Variants in KAZN observed in about 807,000 individuals in gnomAD.
The protein encoded by KAZN is kazrin.
In KAZN, 40 loss-of-function variants were observed where a neutral mutation model predicts 87.4. The observed-to-expected ratio is 0.46, with a 90% CI of 0.36 to 0.60. The LOEUF is 0.60. Ranked by LOEUF, KAZN falls within the 20% of genes least tolerant of loss-of-function variation. The pLI is 0.00. For missense variants in KAZN, 898 were observed against 1,073.9 expected (o/e 0.84, Z 2.29); for synonymous variants, 466 against 458.3 (o/e 1.02, Z -0.22).
At chr1:13,903,650 A>C (rs2100845587) in intron 1 of KAZN, among the ~76,000 whole-genome samples, 1 of 152,304 alleles carries the variant, frequency 6.6e-6, no homozygotes, top group South Asian at 2.1e-4. Context: ...AGTGAAGACG[A>C]GTTAGGTCAC....
intron 2 of KAZN, among the ~76,000 whole-genome samples, chr1:14,563,874 C>CTTTTTTTT (rs540880203): frequency 1.2e-4 from 12 of 97,930 alleles, no homozygotes; most frequent in East Asian, 9.1e-4. Context: ...GTTCAAACTC[C>CTTTTTTTT]TTTTTTTTTT....
At chr1:15,090,684 G>A (rs1207251807) in intron 8 of KAZN, among the ~76,000 whole-genome samples, 1 of 152,222 alleles carries the variant, frequency 6.6e-6, no homozygotes, top group East Asian at 1.9e-4. Context: ...AAAACAAAGG[G>A]CTTAGGCTCA....
At chr1:14,077,926 A>T (rs1419179611) in intron 1 of KAZN, among the ~76,000 whole-genome samples, 1 of 152,166 alleles carries the variant, frequency 6.6e-6, no homozygotes, top group Non-Finnish European at 1.5e-5. Context: ...CCTGCCACGG[A>T]GAGAAAGGTG....
At chr1:14,776,330 C>T (rs113017976) in intron 1 of KAZN, among the ~76,000 whole-genome samples, 1,555 of 152,178 alleles carry the variant, frequency 0.01, 32 homozygotes, top group African/African-American at 0.035. Context: ...GGAAGTGGGG[C>T]CAAGGAATAG....
At chr1:14,674,099 G>T (rs906792056) in intron 1 of KAZN, among the ~76,000 whole-genome samples, 2 of 152,200 alleles carry the variant, frequency 1.3e-5, no homozygotes, top group African/African-American at 4.8e-5. Flanking sequence ...ACAGAAACTT[G>T]CTCAAAGGTG....
intron 1 of KAZN, among the ~76,000 whole-genome samples, chr1:13,971,507 A>G (rs7511707): frequency 0.62 from 94,772 of 151,854 alleles, 30,685 homozygotes; most frequent in East Asian, 0.87. Flanking sequence ...GCATCTTTCC[A>G]GCCATCTTCA....
intron 2 of KAZN, among the ~76,000 whole-genome samples, chr1:14,531,622 G>C (rs945152910): frequency 1.3e-5 from 2 of 152,092 alleles, no homozygotes; most frequent in African/African-American, 4.8e-5. Flanking sequence ...CTGGGTTTGG[G>C]TCCCAAATTG....
At chr1:14,943,099 C>T (rs1285777158) in intron 1 of KAZN, among the ~76,000 whole-genome samples, 5 of 132,120 alleles carry the variant, frequency 3.8e-5, no homozygotes, top group African/African-American at 1.1e-4. Context: ...TTACATTTTT[C>T]GAATAGTTTT....
chr1:14,967,103 G>A (rs372921809), intron 2 of KAZN, among the ~76,000 whole-genome samples: 3 of 152,304 alleles, frequency 2.0e-5, no homozygotes, highest in African/African-American at 4.8e-5. Flanking sequence ...CGGTGAACTC[G>A]AGGGTCACAC....
chr1:14,319,524 C>T (rs1316322176), intron 2 of KAZN, among the ~76,000 whole-genome samples: 1 of 152,170 alleles, frequency 6.6e-6, no homozygotes, highest in African/African-American at 2.4e-5. Context: ...TGCCGATTCT[C>T]GGGCTCTTTT....
intron 1 of KAZN, among the ~76,000 whole-genome samples, chr1:14,134,999 ACACATGTG>A (rs780359916): frequency 0.034 from 1,380 of 40,168 alleles, 20 homozygotes; most frequent in African/African-American, 0.12. Context: ...ACACACACAC[ACACATGTG>A]CACACATGCA....
At chr1:14,733,191 C>G (rs1643757281) in intron 1 of KAZN, among the ~76,000 whole-genome samples, 2 of 152,104 alleles carry the variant, frequency 1.3e-5, no homozygotes, top group Admixed American at 1.3e-4. Context: ...CCCACTGCCC[C>G]AGGCTTGGTA....
At chr1:15,006,950 G>T (rs1380706086) in intron 2 of KAZN, among the ~76,000 whole-genome samples, 1 of 151,786 alleles carries the variant, frequency 6.6e-6, no homozygotes, top group Admixed American at 6.6e-5. Flanking sequence ...CCAGCTACTC[G>T]GGAGGCTGAG....
intron 2 of KAZN, among the ~76,000 whole-genome samples, chr1:14,969,887 C>T (rs1258340582): frequency 6.6e-6 from 1 of 152,124 alleles, no homozygotes; most frequent in East Asian, 1.9e-4. Flanking sequence ...GATCTTGGCT[C>T]ACTGCAACCT....
chr1:14,679,982 G>A (rs554884609), intron 1 of KAZN, among the ~76,000 whole-genome samples: 17 of 152,246 alleles, frequency 1.1e-4, no homozygotes, highest in Non-Finnish European at 2.2e-4. Context: ...AGGACAAGAG[G>A]GAGAAGGTGG....
chr1:14,323,189 C>A (rs1006143692), intron 2 of KAZN, among the ~76,000 whole-genome samples: 6 of 152,042 alleles, frequency 3.9e-5, no homozygotes, highest in Non-Finnish European at 5.9e-5. Flanking sequence ...GGTGGGGACG[C>A]AAAACCTAAC....
rs775008344 is a variant in KAZN at position 14,234,576 on chromosome 1, A to C, written c.249+53984A>C. The stretch of plus-strand genomic sequence containing the variant: ...AATAATAATAATAATAAAAGCACAC[A>C]TAGGTGAAGAGTGAGAACATTCCAA... On this transcript the variant is annotated intron_variant, in intron 2 of 16. Transcript: ENST00000636203. Among the ~76,000 whole-genome samples, 75 of 152,068 alleles carry C rather than the reference A, an allele frequency of 4.9e-4. 1 individual carries two copies. The highest frequency in any genetic ancestry group is 1.6e-4 in the Non-Finnish European group (11 of 68,000).
chr1:14,304,741 C>T, intron 2 of KAZN: 1 of 397,778 alleles, frequency 2.5e-6, no homozygotes, highest in Non-Finnish European at 4.4e-6. Context: ...GTACATGTGG[C>T]ATTACCACAC....
intron 2 of KAZN, among the ~76,000 whole-genome samples, chr1:14,217,801 G>T (rs889770847): frequency 7.2e-5 from 11 of 152,050 alleles, no homozygotes; most frequent in Non-Finnish European, 1.6e-4. Context: ...CAGGCAAAAA[G>T]ATCAAATCAC....
Sources: allele counts gnomAD v4.1 joint callset (sites outside exome capture counted in the v4.1 genomes callset), GRCh38; gene constraint gnomAD v4.1.1; transcripts MANE v1.5; gene names NCBI Gene and HGNC (gene_info 2026-07-23, HGNC 2026-07-21).